Variants in HIPK3 observed in about 807,000 individuals in gnomAD.
The protein encoded by HIPK3 is homeodomain-interacting protein kinase 3.
HIPK3 carries 47 observed loss-of-function variants against 124.2 expected under a neutral mutation model. The ratio of observed to expected loss-of-function variants is 0.38; its 90% confidence interval spans 0.30 to 0.48. The LOEUF is 0.48. HIPK3 is among the 20% of genes least tolerant of loss of function. The pLI, the probability that HIPK3 is intolerant of heterozygous loss-of-function variation, is 0.98. For synonymous variants in HIPK3, 482 were observed against 515.2 expected (o/e 0.94, Z 0.87); for missense variants, 1,286 against 1,454.3 (o/e 0.88, Z 1.88).
Position 33,258,592 on chromosome 11 carries a change from G to GC in HIPK3, c.-3+705dup, listed in dbSNP as rs965488580. ...GCCGGCTTCTCTCGTTACGGTGGCTGCCGCCCGCTTCCCTTCGCCGCACTG... is the reference window on the plus strand; with the variant it reads ...GCCGGCTTCTCTCGTTACGGTGGCTGCCCGCCCGCTTCCCTTCGCCGCACTG... On this transcript the variant is annotated intron_variant, in intron 1 of 16. Transcript: ENST00000303296. 5.6e-5 allele frequency: 55 copies of GC among 985,438 alleles called. No homozygotes were observed. The African/African-American group carries it at 9.1e-4, about 16-fold the overall frequency. The allele number at this position is 985,438 out of a possible 1,614,324, so 61.0% of individuals were successfully genotyped here.
intron 2 of HIPK3, among the ~76,000 whole-genome samples, chr11:33,307,454 A>G (rs1852196672): frequency 1.4e-5 from 2 of 146,042 alleles, no homozygotes; most frequent in Admixed American, 1.4e-4. Flanking sequence ...GCTGGAGTGC[A>G]GTGGCGTGAT....
At chr11:33,290,982 A>G (rs1213702942) in intron 2 of HIPK3, among the ~76,000 whole-genome samples, 4 of 152,214 alleles carry the variant, frequency 2.6e-5, no homozygotes, top group Non-Finnish European at 5.9e-5. Context: ...TAGTGCAGGC[A>G]TTTTGGTTGA....
At chr11:33,345,993 T>A (rs1470030679) in intron 8 of HIPK3, among the ~76,000 whole-genome samples, 10 of 152,272 alleles carry the variant, frequency 6.6e-5, no homozygotes, top group African/African-American at 2.4e-4. Context: ...ATCCCCAAAT[T>A]GATTATATTA....
intron 1 of HIPK3, chr11:33,258,221 C>T: frequency 1.3e-6 from 1 of 760,574 alleles, no homozygotes; most frequent in Non-Finnish European, 1.6e-6. Flanking sequence ...CCTCCCCCTG[C>T]CAAGGTTGCG....
At chr11:33,272,606 C>G (rs919468084) in intron 1 of HIPK3, among the ~76,000 whole-genome samples, 1 of 151,678 alleles carries the variant, frequency 6.6e-6, no homozygotes, top group Non-Finnish European at 1.5e-5. Flanking sequence ...TTCTCCTTTC[C>G]TTTTTCCTTT....
intron 16 of HIPK3, 25 bp from the exon 17 acceptor site, chr11:33,353,067 A>ATTTTTTT (rs372470144): frequency 1.2e-5 from 13 of 1,042,054 alleles, no homozygotes; most frequent in Admixed American, 5.0e-5. Context: ...TTATTCAGTC[A>ATTTTTTT]TTTTTTTTTT....
intron 1 of HIPK3, among the ~76,000 whole-genome samples, chr11:33,280,220 T>C (rs1590351644): frequency 6.6e-6 from 1 of 152,188 alleles, no homozygotes; most frequent in East Asian, 1.9e-4. Context: ...TAAGAACAAT[T>C]GGCAGGGTCA....
chr11:33,279,881 CT>C (rs1682464724), intron 1 of HIPK3, among the ~76,000 whole-genome samples: 1 of 152,014 alleles, frequency 6.6e-6, no homozygotes, highest in East Asian at 1.9e-4. Context: ...GGTGAACAAG[CT>C]ACCTCAGGCC....
chr11:33,258,894 T>C (rs530815674), intron 1 of HIPK3, among the ~76,000 whole-genome samples: 3 of 152,274 alleles, frequency 2.0e-5, no homozygotes, highest in Admixed American at 2.0e-4. Flanking sequence ...CTAATTATAA[T>C]AAGGGGCTTC....
chr11:33,343,247 T>TG, intron 8 of HIPK3, among the ~76,000 whole-genome samples: 1 of 141,496 alleles, frequency 7.1e-6, no homozygotes, highest in Non-Finnish European at 1.5e-5. Context: ...TTATTTGATT[T>TG]TGTGTGTGTG....
At chr11:33,286,054 G>GATCT (rs1325967432) in intron 1 of HIPK3, among the ~76,000 whole-genome samples, 1 of 152,054 alleles carries the variant, frequency 6.6e-6, no homozygotes, top group Non-Finnish European at 1.5e-5. Context: ...GGATTACAGG[G>GATCT]ATCTATACTT....
chr11:33,289,728 ACT>A (rs1851649542), intron 2 of HIPK3, among the ~76,000 whole-genome samples: 3 of 152,080 alleles, frequency 2.0e-5, no homozygotes. Context: ...GACTGTGGTC[ACT>A]CTGTTGTGCT....
At chr11:33,295,216 A>T (rs1851806847) in intron 2 of HIPK3, among the ~76,000 whole-genome samples, 1 of 150,534 alleles carries the variant, frequency 6.6e-6, no homozygotes, top group South Asian at 2.1e-4. Context: ...TGCCCAGGAG[A>T]CCTCTGAAGC....
intron 2 of HIPK3, among the ~76,000 whole-genome samples, chr11:33,297,848 G>C (rs924775676): frequency 6.9e-6 from 1 of 144,710 alleles, no homozygotes; most frequent in African/African-American, 2.6e-5. Flanking sequence ...GGAGTGCAGT[G>C]GTGTGATCCT....
chr11:33,312,996 A>G (rs571036787), intron 2 of HIPK3, among the ~76,000 whole-genome samples: 1 of 152,324 alleles, frequency 6.6e-6, no homozygotes, highest in South Asian at 2.1e-4. Context: ...TTATTTGACT[A>G]TACCAGCACA....
chr11:33,311,872 C>CACACT (rs1852352603), intron 2 of HIPK3, among the ~76,000 whole-genome samples: 2 of 126,840 alleles, frequency 1.6e-5, no homozygotes, highest in Middle Eastern at 3.8e-3. Context: ...ACACACACTA[C>CACACT]ACACACACAC....
intron 2 of HIPK3, among the ~76,000 whole-genome samples, chr11:33,313,977 G>A (rs1408798087): frequency 6.6e-6 from 1 of 151,966 alleles, no homozygotes; most frequent in Non-Finnish European, 1.5e-5. Context: ...CAAGTAGCTG[G>A]GACTGAAGGT....
intron 1 of HIPK3, among the ~76,000 whole-genome samples, chr11:33,267,379 T>C (rs1679834): frequency 0.68 from 103,385 of 151,822 alleles, 35,334 homozygotes; most frequent in Non-Finnish European, 0.72. Context: ...TCCCAAAGTG[T>C]TGGGATTACA....
rs71034672 is a variant in HIPK3 at position 33,311,975 on chromosome 11, T to TACACAC, written c.1098-16518_1098-16513dup. On this transcript the variant is annotated intron_variant, in intron 2 of 16. Transcript: ENST00000303296. ...GGGCAACATAGCAAGACCCTGTTTC[T>TACACAC]ACACACACACACACACACACACCAC... 8.7e-3 allele frequency among the ~76,000 whole-genome samples: 1,191 copies of TACACAC among 137,042 alleles called. 25 individuals carry two copies. Among genetic ancestry groups the TACACAC allele is most frequent in the African/African-American group, 0.022 (831 of 36,942 alleles). The allele number at this position is 137,042 out of a possible 152,430, so 89.9% of individuals were successfully genotyped here.
Sources: gnomAD v4.1 joint callset for allele counts (sites outside exome capture counted in the v4.1 genomes callset) on GRCh38, gnomAD v4.1.1 for gene constraint, MANE v1.5 for transcripts, NCBI Gene and HGNC (gene_info 2026-07-23, HGNC 2026-07-21) for gene names.